PPP2R2B: variants seen among roughly 807,000 people sequenced by gnomAD.
PPP2R2B encodes protein phosphatase 2 regulatory subunit Bbeta, also known as serine/threonine-protein phosphatase 2A 55 kDa regulatory subunit B beta isoform.
A neutral mutation model predicts 46.0 loss-of-function variants in PPP2R2B; 5 were observed. That is an observed-to-expected ratio of 0.11 (90% CI 0.06 to 0.23). PPP2R2B has a LOEUF of 0.23. Among genes scored for constraint, PPP2R2B ranks in the 10% least tolerant of loss-of-function variants. PPP2R2B has a pLI of 1.00. For synonymous variants in PPP2R2B, 215 were observed against 206.7 expected (o/e 1.04, Z -0.34); for missense variants, 367 against 575.0 (o/e 0.64, Z 3.70).
chr5:146,599,490 A>G (rs903716118), intron 8 of PPP2R2B, among the ~76,000 whole-genome samples: 3 of 152,204 alleles, frequency 2.0e-5, no homozygotes, highest in Admixed American at 6.5e-5. Flanking sequence ...CATTGTACCC[A>G]GTCCACAGGC....
chr5:146,937,249 C>T (rs1219670449), intron 1 of PPP2R2B, among the ~76,000 whole-genome samples: 1 of 151,140 alleles, frequency 6.6e-6, no homozygotes, highest in Non-Finnish European at 1.5e-5. Flanking sequence ...TGCAGTGAGC[C>T]GAGATCATAC....
intron 1 of PPP2R2B, among the ~76,000 whole-genome samples, chr5:147,028,699 T>C (rs1755639072): frequency 6.6e-6 from 1 of 152,214 alleles, no homozygotes; most frequent in Non-Finnish European, 1.5e-5. Context: ...GGATATATAC[T>C]TAGTAGAACA....
chr5:146,773,226 C>A (rs749875210), intron 2 of PPP2R2B, among the ~76,000 whole-genome samples: 1 of 152,204 alleles, frequency 6.6e-6, no homozygotes, highest in Admixed American at 6.5e-5. Context: ...TGGAGAGCAA[C>A]TTGGAAATTA....
At chr5:147,068,738 T>A (rs1027260228) in intron 2 of PPP2R2B, among the ~76,000 whole-genome samples, 1 of 152,190 alleles carries the variant, frequency 6.6e-6, no homozygotes, top group African/African-American at 2.4e-5. Flanking sequence ...TAATAAGCTG[T>A]AAAAAATTGC....
At chr5:146,707,887 G>A (rs371199295) in intron 2 of PPP2R2B, among the ~76,000 whole-genome samples, 7 of 151,770 alleles carry the variant, frequency 4.6e-5, no homozygotes, top group Non-Finnish European at 8.8e-5. Context: ...GGTGTAGAAC[G>A]TACATAATTT....
intron 2 of PPP2R2B, among the ~76,000 whole-genome samples, chr5:146,843,169 G>A (rs760232132): frequency 1.8e-4 from 27 of 152,228 alleles, no homozygotes; most frequent in Non-Finnish European, 3.7e-4. Flanking sequence ...CCTGGGCAAT[G>A]AGGGCGAAAC....
At position 146,682,289 on chromosome 5, in the gene PPP2R2B, C is replaced by T. The variant is rs77062986; in HGVS notation, c.447+8839G>A. On this transcript the variant is annotated intron_variant, in intron 5 of 9. Coordinates refer to ENST00000394411, the MANE Select transcript of PPP2R2B (RefSeq NM_181675.4). ...CTAGTCTCTAGATGTAATACTACTTCGAACTTTTCAATATATTCATCATGC... is the reference window on the plus strand; with the variant it reads ...CTAGTCTCTAGATGTAATACTACTTTGAACTTTTCAATATATTCATCATGC... Among the ~76,000 whole-genome samples, 403 of 152,210 alleles carry T rather than the reference C, an allele frequency of 2.6e-3. 6 individuals carry two copies. In the East Asian group the frequency reaches 0.062, roughly 23 times the overall value.
At chr5:146,660,010 C>T (rs1776577943) in intron 5 of PPP2R2B, among the ~76,000 whole-genome samples, 1 of 152,174 alleles carries the variant, frequency 6.6e-6, no homozygotes, top group Non-Finnish European at 1.5e-5. Context: ...AATGATTGGT[C>T]ATTGGATAGA....
intron 7 of PPP2R2B, among the ~76,000 whole-genome samples, chr5:146,630,511 C>T (rs981511263): frequency 2.0e-5 from 3 of 152,210 alleles, no homozygotes; most frequent in African/African-American, 4.8e-5. Context: ...AACTTCATCA[C>T]TTGCTCTTTG....
At position 146,902,729 on chromosome 5, in the gene PPP2R2B, T is replaced by C. The variant is rs149143952; in HGVS notation, c.79+152936A>G. Among the ~76,000 whole-genome samples, 298 of 152,332 alleles carry C rather than the reference T, an allele frequency of 2.0e-3. 1 individual carries two copies. Among genetic ancestry groups the C allele is most frequent in the African/African-American group, 6.3e-3 (261 of 41,574 alleles). ...TTCCCCAGTGCATTGAGAACAACATTCAAACTCCTTAAGCTGATAATCGTC... is the reference window on the plus strand; with the variant it reads ...TTCCCCAGTGCATTGAGAACAACATCCAAACTCCTTAAGCTGATAATCGTC... On this transcript the variant is annotated intron_variant, in intron 1 of 8. Transcript: ENST00000336640.
chr5:146,875,970 A>G (rs1761875698), intron 2 of PPP2R2B, among the ~76,000 whole-genome samples: 1 of 152,184 alleles, frequency 6.6e-6, no homozygotes, highest in Admixed American at 6.5e-5. Context: ...GTTCTATCCA[A>G]CTTCTGGTAT....
intron 1 of PPP2R2B, among the ~76,000 whole-genome samples, chr5:146,918,083 T>C (rs1361529358): frequency 6.6e-6 from 1 of 152,188 alleles, no homozygotes; most frequent in East Asian, 1.9e-4. Flanking sequence ...CTTGTCTACC[T>C]GCATTTTTGT....
chr5:146,860,016 G>A (rs949454469), intron 2 of PPP2R2B, among the ~76,000 whole-genome samples: 1 of 152,148 alleles, frequency 6.6e-6, no homozygotes, highest in Admixed American at 6.6e-5. Flanking sequence ...CAACCAAAAG[G>A]TATAAGAGCA....
At chr5:146,899,268 T>C (rs897422281) in intron 1 of PPP2R2B, among the ~76,000 whole-genome samples, 3 of 147,358 alleles carry the variant, frequency 2.0e-5, no homozygotes, top group African/African-American at 7.7e-5. Flanking sequence ...ATGTGGCACA[T>C]ATACACCATG....
At chr5:146,991,479 G>A (rs1277255536) in intron 1 of PPP2R2B, among the ~76,000 whole-genome samples, 1 of 152,086 alleles carries the variant, frequency 6.6e-6, no homozygotes, top group African/African-American at 2.4e-5. Context: ...CATTACATTA[G>A]GCAGAAATAA....
intron 1 of PPP2R2B, among the ~76,000 whole-genome samples, chr5:146,888,949 T>A (rs1438059654): frequency 1.3e-5 from 2 of 152,188 alleles, no homozygotes; most frequent in African/African-American, 4.8e-5. Context: ...TCACTCTCTA[T>A]CCCTATATTG....
chr5:146,657,013 T>G (rs11958150), intron 5 of PPP2R2B, among the ~76,000 whole-genome samples: 1 of 152,124 alleles, frequency 6.6e-6, no homozygotes, highest in African/African-American at 2.4e-5. Flanking sequence ...TGCTGTCATT[T>G]GGCTTATTTG....
chr5:146,616,358 A>T (rs1286753555), intron 7 of PPP2R2B, among the ~76,000 whole-genome samples: 1 of 152,176 alleles, frequency 6.6e-6, no homozygotes, highest in Non-Finnish European at 1.5e-5. Flanking sequence ...CCGCAAGCAC[A>T]AGCAACCAAA....
At chr5:146,653,491 C>T (rs1209546225) in intron 5 of PPP2R2B, among the ~76,000 whole-genome samples, 1 of 152,270 alleles carries the variant, frequency 6.6e-6, no homozygotes, top group East Asian at 1.9e-4. Flanking sequence ...GTGGTTGCTA[C>T]CTGGTTCCTC....
Sources: gnomAD v4.1 joint callset for allele counts (sites outside exome capture counted in the v4.1 genomes callset) on GRCh38, gnomAD v4.1.1 for gene constraint, MANE v1.5 for transcripts, NCBI Gene and HGNC (gene_info 2026-07-23, HGNC 2026-07-21) for gene names.